APBA1: variants seen among roughly 807,000 people sequenced by gnomAD.
APBA1 encodes amyloid beta precursor protein binding family A member 1.
APBA1 carries 55 observed loss-of-function variants against 86.6 expected under a neutral mutation model. That is an observed-to-expected ratio of 0.64 (90% CI 0.51 to 0.80). The LOEUF is 0.80. Among genes scored for constraint, APBA1 ranks in the 30% least tolerant of loss-of-function variants. APBA1 has a pLI of 0.00. For synonymous variants in APBA1, 511 were observed against 493.9 expected (o/e 1.03, Z -0.46); for missense variants, 1,090 against 1,183.0 (o/e 0.92, Z 1.15).
At chr9:69,658,284 C>T (rs76823073) in intron 1 of APBA1, among the ~76,000 whole-genome samples, 11 of 75,538 alleles carry the variant, frequency 1.5e-4, no homozygotes, top group South Asian at 1.0e-3. Context: ...TTCTTTCTTT[C>T]TCTCTCTCTT....
intron 2 of APBA1, among the ~76,000 whole-genome samples, chr9:69,504,107 C>T (rs1212903825): frequency 6.6e-6 from 1 of 152,044 alleles, no homozygotes; most frequent in African/African-American, 2.4e-5. Context: ...AGTCCAACAT[C>T]ATTGTGTTTC....
At chr9:69,565,636 G>T (rs911173536) in intron 1 of APBA1, among the ~76,000 whole-genome samples, 2 of 152,080 alleles carry the variant, frequency 1.3e-5, no homozygotes, top group Admixed American at 6.5e-5. Flanking sequence ...TTCAAAAGCA[G>T]TGCCATGGCA....
intron 1 of APBA1, among the ~76,000 whole-genome samples, chr9:69,552,505 G>T (rs928393116): frequency 6.6e-6 from 1 of 152,180 alleles, no homozygotes; most frequent in Non-Finnish European, 1.5e-5. Context: ...CCCAAGCTGG[G>T]AAGATGAATT....
chr9:69,634,208 A>T (rs966914117), intron 1 of APBA1, among the ~76,000 whole-genome samples: 2 of 152,206 alleles, frequency 1.3e-5, no homozygotes, highest in Non-Finnish European at 2.9e-5. Flanking sequence ...TGTGGTGTGG[A>T]GAGAGAATCT....
intron 1 of APBA1, among the ~76,000 whole-genome samples, chr9:69,594,274 A>C (rs955928457): frequency 2.0e-5 from 3 of 152,204 alleles, no homozygotes; most frequent in Non-Finnish European, 2.9e-5. Flanking sequence ...ATTATGATGC[A>C]GTAGGTTTGG....
intron 1 of APBA1, among the ~76,000 whole-genome samples, chr9:69,570,205 G>A (rs555301127): frequency 2.6e-5 from 4 of 152,200 alleles, no homozygotes; most frequent in Non-Finnish European, 5.9e-5. Flanking sequence ...TTAATATAAA[G>A]TGTACTGAGT....
chr9:69,600,593 GT>G (rs1822328696), intron 1 of APBA1, among the ~76,000 whole-genome samples: 1 of 152,030 alleles, frequency 6.6e-6, no homozygotes. Context: ...GAGGTCAGGA[GT>G]TTGAGATCAG....
chr9:69,453,031 A>G lies in APBA1; in HGVS notation c.1789-730T>C, dbSNP rs1835038333. Among the ~76,000 whole-genome samples, 3 of 152,238 alleles carry G rather than the reference A, an allele frequency of 2.0e-5. No individual in the cohort carries two copies. In the South Asian group the frequency reaches 6.2e-4, roughly 31 times the overall value. On this transcript the variant is annotated intron_variant, in intron 8 of 12. Transcript: ENST00000265381. ...CTGCGTTCTCCTACATCCAAGCTTA[A>G]TCAAGTAGGCATAAGCATCTCACTA...
chr9:69,471,189 A>C (rs1248165593), intron 4 of APBA1, among the ~76,000 whole-genome samples: 3 of 152,322 alleles, frequency 2.0e-5, no homozygotes, highest in Non-Finnish European at 4.4e-5. Context: ...TGGCAGAGTA[A>C]GCATGCAGTA....
intron 1 of APBA1, among the ~76,000 whole-genome samples, chr9:69,577,760 A>G (rs572750512): frequency 3.0e-4 from 45 of 152,346 alleles, no homozygotes; most frequent in Non-Finnish European, 5.4e-4. Flanking sequence ...TAGCCACTTA[A>G]AATCATCTGG....
At chr9:69,483,387 C>G (rs896622365) in intron 2 of APBA1, among the ~76,000 whole-genome samples, 1 of 151,870 alleles carries the variant, frequency 6.6e-6, no homozygotes, top group Non-Finnish European at 1.5e-5. Flanking sequence ...GGGACCAGCC[C>G]CCTTGGGGGA....
chr9:69,475,898 G>A, intron 3 of APBA1, 150 bp downstream of exon 3: 2 of 675,420 alleles, frequency 3.0e-6, no homozygotes, highest in Non-Finnish European at 5.3e-6. Context: ...TTTAACAGGT[G>A]AACTGCACAC....
chr9:69,628,952 G>A (rs2133996148), intron 1 of APBA1, among the ~76,000 whole-genome samples: 1 of 152,260 alleles, frequency 6.6e-6, no homozygotes, highest in Admixed American at 6.5e-5. Context: ...GATATTTCAT[G>A]TGTTAATCTC....
intron 1 of APBA1, among the ~76,000 whole-genome samples, chr9:69,527,209 AC>A (rs1425899753): frequency 6.6e-6 from 1 of 151,936 alleles, no homozygotes; most frequent in Non-Finnish European, 1.5e-5. Flanking sequence ...CTGTACATGT[AC>A]CCCCTGAATC....
chr9:69,617,781 G>A (rs895261754), intron 1 of APBA1, among the ~76,000 whole-genome samples: 6 of 151,952 alleles, frequency 3.9e-5, no homozygotes, highest in East Asian at 1.9e-4. Context: ...GAAATTTACC[G>A]ATTTAACCAT....
chr9:69,432,647 A>C lies in APBA1; in HGVS notation c.2331T>G (p.Ala777=), dbSNP rs1299287194. Reference sequence around the variant, plus strand: ...GCCCCACACGGACGCCTCCTCTCTCAGCTATTCCCCCTCGCATGAGGCTGC... The same window carrying C: ...GCCCCACACGGACGCCTCCTCTCTCCGCTATTCCCCCTCGCATGAGGCTGC... ...IICSLMRGGI[A]ERGGVRVGHR... The change falls in exon 12 of 13, where the codon GCT becomes GCG. Residue 777 remains alanine, a synonymous_variant. Coordinates refer to ENST00000265381, the MANE Select transcript of APBA1 (RefSeq NM_001163.4). The C allele has an allele frequency of 1.2e-6, 2 of 1,600,446 alleles. No individual in the cohort carries two copies. The highest frequency in any genetic ancestry group is 2.7e-5 in the African/African-American group (2 of 74,334).
chr9:69,596,465 T>A (rs1822232126), intron 1 of APBA1, among the ~76,000 whole-genome samples: 1 of 152,182 alleles, frequency 6.6e-6, no homozygotes, highest in Non-Finnish European at 1.5e-5. Context: ...ACAAGATATA[T>A]GTTTGTTTCT....
chr9:69,568,030 T>A (rs28488945), intron 1 of APBA1, among the ~76,000 whole-genome samples: 2 of 152,162 alleles, frequency 1.3e-5, no homozygotes, highest in African/African-American at 4.8e-5. Flanking sequence ...TTGCCAAAAA[T>A]GCTTAACAAA....
In APBA1 at chr9:69,495,721, C is replaced by A. The variant is rs1200607699; in HGVS notation, c.1201-19578G>T. On this transcript the variant is annotated intron_variant, in intron 2 of 12. Coordinates refer to ENST00000265381, the MANE Select transcript of APBA1 (RefSeq NM_001163.4). Reference sequence around the variant, plus strand: ...TGAATTGCTACCAGAAACTTTCACACACCCCAAACTCTGCTACGTTTATAG... The same window carrying A: ...TGAATTGCTACCAGAAACTTTCACAAACCCCAAACTCTGCTACGTTTATAG... 2.0e-5 allele frequency among the ~76,000 whole-genome samples: 3 copies of A among 152,088 alleles called. No individual in the cohort carries two copies. The East Asian group carries it at 5.8e-4, about 29-fold the overall frequency.
Sources: allele counts gnomAD v4.1 joint callset (sites outside exome capture counted in the v4.1 genomes callset), GRCh38; gene constraint gnomAD v4.1.1; transcripts MANE v1.5; gene names NCBI Gene and HGNC (gene_info 2026-07-23, HGNC 2026-07-21).